The following FRMPD4 variants were observed in gnomAD, a reference collection of about 807,000 sequenced individuals.
The protein encoded by FRMPD4 is FERM and PDZ domain containing 4.
FRMPD4 carries 22 observed loss-of-function variants against 94.1 expected under a neutral mutation model. The observed-to-expected ratio is 0.23, with a 90% CI of 0.17 to 0.33. The LOEUF (loss-of-function observed/expected upper bound fraction) is 0.33, where lower values mean the gene tolerates loss of function less well. Among genes scored for constraint, FRMPD4 ranks in the 10% least tolerant of loss-of-function variants. FRMPD4 has a pLI of 1.00. For missense variants in FRMPD4, 1,111 were observed against 1,339.9 expected (o/e 0.83, Z 2.67); for synonymous variants, 631 against 548.6 (o/e 1.15, Z -2.10).
intron 1 of FRMPD4, among the ~76,000 whole-genome samples, chrX:12,383,707 G>A (rs2056358933): frequency 9.0e-6 from 1 of 111,311 alleles, no homozygotes. Flanking sequence ...TGCCAGTAAA[G>A]GTGCTCCAGG....
intron 3 of FRMPD4, among the ~76,000 whole-genome samples, chrX:12,032,407 T>C (rs189985302): frequency 8.9e-6 from 1 of 112,138 alleles, no homozygotes; most frequent in African/African-American, 3.2e-5. Context: ...ATTTAATGTA[T>C]AAAGAAGTTA....
At chrX:12,018,915 A>G (rs2054618386) in intron 3 of FRMPD4, among the ~76,000 whole-genome samples, 1 of 112,143 alleles carries the variant, frequency 8.9e-6, no homozygotes, top group Non-Finnish European at 1.9e-5. Flanking sequence ...TCTTACACAA[A>G]GTCCTTTGGC....
At chrX:12,597,409 C>A (rs1480432003) in intron 2 of FRMPD4, among the ~76,000 whole-genome samples, 1 of 112,195 alleles carries the variant, frequency 8.9e-6, no homozygotes, top group Admixed American at 9.4e-5. Context: ...ACAAATAGAA[C>A]TGAGTCCTTG....
chrX:12,262,115 C>T (rs1199779893), intron 1 of FRMPD4, among the ~76,000 whole-genome samples: 1 of 111,327 alleles, frequency 9.0e-6, no homozygotes, highest in Admixed American at 9.5e-5. Context: ...TGTCCCCTGC[C>T]TGTTTTTGAA....
intron 1 of FRMPD4, among the ~76,000 whole-genome samples, chrX:12,176,369 C>T (rs2056295124): frequency 9.0e-6 from 1 of 111,713 alleles, no homozygotes; most frequent in South Asian, 3.8e-4. Context: ...TTCTGGCAAT[C>T]ACAGAACATG....
chrX:12,038,660 C>T (rs750494032), intron 3 of FRMPD4, among the ~76,000 whole-genome samples: 4 of 112,015 alleles, frequency 3.6e-5, no homozygotes, highest in Non-Finnish European at 7.5e-5. Flanking sequence ...TCAGCTCTGA[C>T]ATTTAGGTCT....
chrX:12,663,988 A>G (rs1041289464), intron 4 of FRMPD4, among the ~76,000 whole-genome samples: 16 of 111,925 alleles, frequency 1.4e-4, no homozygotes, highest in African/African-American at 5.2e-4. Context: ...TTCACTCATG[A>G]TTTGGCTCTC....
At chrX:12,145,217 A>G (rs1425115944) in intron 1 of FRMPD4, among the ~76,000 whole-genome samples, 5 of 112,141 alleles carry the variant, frequency 4.5e-5, no homozygotes, top group Non-Finnish European at 9.4e-5. Flanking sequence ...GTATTTTTCT[A>G]TTGAACTGGC....
chrX:12,568,466 G>T (rs1046968866), intron 2 of FRMPD4, among the ~76,000 whole-genome samples: 1 of 112,104 alleles, frequency 8.9e-6, no homozygotes, highest in Non-Finnish European at 1.9e-5. Context: ...TATTAATCTC[G>T]AAGAGCTTTC....
intron 1 of FRMPD4, among the ~76,000 whole-genome samples, chrX:11,863,586 A>G (rs2053701022): frequency 9.0e-6 from 1 of 111,722 alleles, no homozygotes; most frequent in Non-Finnish European, 1.9e-5. Context: ...GATGACACAT[A>G]TTATTTTATA....
chrX:11,979,690 C>A (rs1420348827), intron 3 of FRMPD4, among the ~76,000 whole-genome samples: 2 of 110,558 alleles, frequency 1.8e-5, no homozygotes, highest in African/African-American at 6.6e-5. Flanking sequence ...AATGTCTATT[C>A]ATGTCTTGTG....
intron 2 of FRMPD4, among the ~76,000 whole-genome samples, chrX:12,538,139 G>C (rs772348607): frequency 9.0e-6 from 1 of 111,284 alleles, no homozygotes; most frequent in African/African-American, 3.3e-5. Context: ...CTAATACTGC[G>C]CTTTTCCAAC....
chrX:12,392,557 G>A (rs1259626061), intron 1 of FRMPD4, among the ~76,000 whole-genome samples: 1 of 109,583 alleles, frequency 9.1e-6, no homozygotes, highest in Non-Finnish European at 1.9e-5. Context: ...GGAGGCTGAG[G>A]CAGGAGAATC....
chrX:11,882,549 G>A (rs1171616361), intron 3 of FRMPD4, among the ~76,000 whole-genome samples: 1 of 111,527 alleles, frequency 9.0e-6, no homozygotes, highest in African/African-American at 3.3e-5. Flanking sequence ...CATGTGACAG[G>A]TCGCAGTAAA....
At chrX:12,523,780 T>C (rs1188484463) in intron 2 of FRMPD4, among the ~76,000 whole-genome samples, 1 of 109,259 alleles carries the variant, frequency 9.2e-6, no homozygotes, top group South Asian at 4.0e-4. Context: ...TAAAATGGAA[T>C]GAGAGCTCCA....
At chrX:12,554,857 C>T (rs1217133022) in intron 2 of FRMPD4, among the ~76,000 whole-genome samples, 1 of 111,529 alleles carries the variant, frequency 9.0e-6, no homozygotes, top group Non-Finnish European at 1.9e-5. Context: ...TCAAGTGATC[C>T]ACCAATCTTG....
At chrX:11,997,356 A>C (rs2054502133) in intron 3 of FRMPD4, among the ~76,000 whole-genome samples, 1 of 111,936 alleles carries the variant, frequency 8.9e-6, no homozygotes, top group Admixed American at 9.5e-5. Flanking sequence ...TGGAAGAAGA[A>C]GGAGTTCAAG....
rs746601138 is a variant in FRMPD4, at chrX:12,706,923, C to CTTTTT, written c.1287+22_1287+26dup. On this transcript the variant is annotated intron_variant, in intron 12 of 16. Transcript: ENST00000675598. ...TTCAAGGCAACATTAGTGGTAATTT[C>CTTTTT]TTTTTTTTTTTTTTTTTTGCTTTCT... 3.3e-5 allele frequency: 20 copies of CTTTTT among 609,228 alleles called. No homozygotes were observed. Among genetic ancestry groups the CTTTTT allele is most frequent in the East Asian group, 7.4e-5 (2 of 27,192 alleles). The allele number at this position is 609,228 out of a possible 1,213,427, so 50.2% of individuals were successfully genotyped here.
At chrX:12,446,924 G>A (rs1449135463) in intron 1 of FRMPD4, among the ~76,000 whole-genome samples, 1 of 111,096 alleles carries the variant, frequency 9.0e-6, no homozygotes, top group Non-Finnish European at 1.9e-5. Flanking sequence ...GTGGTTGGGG[G>A]ATGGAATGCT....
Sources: gnomAD v4.1 joint callset for allele counts (sites outside exome capture counted in the v4.1 genomes callset) on GRCh38, gnomAD v4.1.1 for gene constraint, MANE v1.5 for transcripts, NCBI Gene and HGNC (gene_info 2026-07-23, HGNC 2026-07-21) for gene names.